CCDC172: variants seen among roughly 807,000 people sequenced by gnomAD.
CCDC172 encodes coiled-coil domain containing 172.
Under a neutral mutation model 38.0 loss-of-function variants are expected in CCDC172, and 30 were observed. That is an observed-to-expected ratio of 0.79 (90% confidence interval 0.59 to 1.07). The LOEUF is 1.07. Ranked by LOEUF, CCDC172 falls within the 50% of genes least tolerant of loss-of-function variation. The pLI, the probability that CCDC172 is intolerant of heterozygous loss-of-function variation, is 0.00. For missense variants in CCDC172, 297 were observed against 290.1 expected, an observed-to-expected ratio of 1.02 and a Z score of -0.17; for synonymous variants, 78 against 88.3, an observed-to-expected ratio of 0.88 and a Z score of 0.66.
At chr10:116,358,374 A>G (rs1353459524) in intron 7 of CCDC172, among the ~76,000 whole-genome samples, 2 of 152,076 alleles carry the variant, frequency 1.3e-5, no homozygotes, top group African/African-American at 4.8e-5. Flanking sequence ...TATTTTCTGT[A>G]TGGATTATTT....
intron 3 of CCDC172, among the ~76,000 whole-genome samples, chr10:116,332,760 G>A (rs1186989672): frequency 6.6e-6 from 1 of 151,458 alleles, no homozygotes; most frequent in African/African-American, 2.4e-5. Context: ...CTGGAACAAG[G>A]GTGAGCCTTC....
intron 5 of CCDC172, among the ~76,000 whole-genome samples, chr10:116,348,544 A>AT (rs1296988245): frequency 2.0e-5 from 3 of 152,144 alleles, no homozygotes; most frequent in East Asian, 1.9e-4. Context: ...TTGATTTATT[A>AT]TTTTTTAACC....
intron 5 of CCDC172, among the ~76,000 whole-genome samples, chr10:116,348,907 G>A (rs1844898448): frequency 6.6e-6 from 1 of 152,082 alleles, no homozygotes. Context: ...GCCAGTACTG[G>A]TCCGTGGCCT....
At chr10:116,375,962 ATG>A (rs1845239437) in intron 7 of CCDC172, among the ~76,000 whole-genome samples, 1 of 152,200 alleles carries the variant, frequency 6.6e-6, no homozygotes, top group Admixed American at 6.5e-5. Context: ...GGAAGACAGT[ATG>A]GCGATTCCTT....
At chr10:116,371,262 T>C (rs2134968237) in intron 7 of CCDC172, among the ~76,000 whole-genome samples, 1 of 151,974 alleles carries the variant, frequency 6.6e-6, no homozygotes, top group East Asian at 1.9e-4. Context: ...GGGATAAGTT[T>C]TAATATTTTA....
intron 7 of CCDC172, among the ~76,000 whole-genome samples, chr10:116,368,443 TA>T (rs569769896): frequency 6.9e-4 from 105 of 151,522 alleles, no homozygotes; most frequent in African/African-American, 2.1e-3. Flanking sequence ...ATTTCTCCTT[TA>T]AAAAAAAATT....
At chr10:116,374,490 GTA>G (rs60781436) in intron 7 of CCDC172, among the ~76,000 whole-genome samples, 7 of 150,072 alleles carry the variant, frequency 4.7e-5, no homozygotes, top group Non-Finnish European at 5.9e-5. Flanking sequence ...TTTATCATAG[GTA>G]TATATATATA....
chr10:116,370,368 G>A (rs753716412), intron 7 of CCDC172, among the ~76,000 whole-genome samples: 1 of 151,742 alleles, frequency 6.6e-6, no homozygotes, highest in Non-Finnish European at 1.5e-5. Flanking sequence ...GGGTATTCTT[G>A]TATATGCTGT....
chr10:116,358,008 G>A, intron 7 of CCDC172, 70 bp downstream of exon 7: 2 of 759,938 alleles, frequency 2.6e-6, no homozygotes, highest in Non-Finnish European at 2.2e-6. Flanking sequence ...TCAGTATAAA[G>A]CTAAGTGCAT....
chr10:116,359,446 C>T (rs1589956257), intron 7 of CCDC172, among the ~76,000 whole-genome samples: 1 of 152,172 alleles, frequency 6.6e-6, no homozygotes, highest in East Asian at 1.9e-4. Context: ...ATTTTTATAG[C>T]AGGATTTCTC....
chr10:116,325,373 CA>C lies in CCDC172; in HGVS notation c.152del (p.Lys51SerfsTer19). On this transcript the variant is annotated frameshift_variant, in exon 3 of 9. Coordinates refer to ENST00000333254, the MANE Select transcript of CCDC172 (RefSeq NM_198515.3). LOFTEE classifies it high-confidence loss of function. Reference protein sequence around the residue: ...ATEELNEEKIKLESKVQQFFE... With the variant: ...ATEELNEEKIXLESKVQQFFE... ...CGGAGGAGCTGAATGAAGAGAAAAT[CA>C]AGCTGGAATCTAAGGTATTGAAATG... The C allele has an allele frequency of 6.2e-7, 1 of 1,613,284 alleles. No individual in the cohort carries two copies. Among genetic ancestry groups the C allele is most frequent in the Non-Finnish European group, 8.5e-7 (1 of 1,179,468 alleles).
Position 116,340,734 on chromosome 10 carries a change from G to T in CCDC172, c.166G>T (p.Val56Phe). The T allele has an allele frequency of 1.3e-6, 2 of 1,500,180 alleles. No homozygotes were observed. The highest frequency in any genetic ancestry group is 1.8e-6 in the Non-Finnish European group (2 of 1,086,354). The allele number at this position is 1,500,180 out of a possible 1,614,324, so 92.9% of individuals were successfully genotyped here. A position where few individuals can be genotyped will look rare whatever the true frequency, so the allele number is the denominator to read the frequency against. ...TGATTTCTGTTTTTGTACTTTGAAG[G>T]TTCAACAGTTTTTTGAAAAATCCTT... Reference protein sequence around the residue: ...NEEKIKLESKVQQFFEKSFFL... With the variant: ...NEEKIKLESKFQQFFEKSFFL... Residue 56 changes from valine (V) to phenylalanine (F), a missense_variant and splice_region_variant, in exon 4 of 9, where the codon GTT becomes TTT. Val to Phe is a conservative substitution (Grantham distance 50). Coordinates refer to ENST00000333254, the MANE Select transcript of CCDC172 (RefSeq NM_198515.3).
intron 5 of CCDC172, among the ~76,000 whole-genome samples, chr10:116,342,693 G>T (rs1844810949): frequency 6.6e-6 from 1 of 152,158 alleles, no homozygotes; most frequent in African/African-American, 2.4e-5. Flanking sequence ...AATCCTTAAT[G>T]TTGGAGGTTG....
intron 7 of CCDC172, among the ~76,000 whole-genome samples, chr10:116,378,139 C>T (rs1227392708): frequency 1.3e-5 from 2 of 152,134 alleles, no homozygotes; most frequent in Non-Finnish European, 2.9e-5. Context: ...CGAGATCACA[C>T]CACTGTACTC....
intron 5 of CCDC172, 168 bp downstream of exon 5, chr10:116,342,369 T>C (rs1844806698): frequency 2.0e-6 from 1 of 496,114 alleles, no homozygotes; most frequent in Non-Finnish European, 3.5e-6. Flanking sequence ...GTGAGCAGTT[T>C]CAAATGATTT....
intron 3 of CCDC172, among the ~76,000 whole-genome samples, chr10:116,325,974 TAGGAGGAAAGCGTTCCAGACAGA>T (rs1844586654): frequency 6.6e-6 from 1 of 152,100 alleles, no homozygotes; most frequent in South Asian, 2.1e-4. Context: ...AAGGAAGTAG[TAGGAGGAAAGCGTTCCAGACAGA>T]AGGAGGAGGC....
chr10:116,325,272 G>T, intron 2 of CCDC172, 31 bp from the exon 3 acceptor site: 1 of 1,584,410 alleles, frequency 6.3e-7, no homozygotes, highest in Non-Finnish European at 8.6e-7. Flanking sequence ...TAGAAAGATT[G>T]ATGTGTTTAA....
At chr10:116,331,642 T>C (rs1844664686) in intron 3 of CCDC172, among the ~76,000 whole-genome samples, 1 of 152,178 alleles carries the variant, frequency 6.6e-6, no homozygotes, top group Non-Finnish European at 1.5e-5. Flanking sequence ...ATTCTACTTG[T>C]TTGATTTGAT....
At chr10:116,342,241 A>AG in intron 5 of CCDC172, 40 bp downstream of exon 5, 1 of 1,487,510 alleles carries the variant, frequency 6.7e-7, no homozygotes. Context: ...GCATTAATGA[A>AG]AATAACTTAT....
Sources: gnomAD v4.1 joint callset for allele counts (sites outside exome capture counted in the v4.1 genomes callset) on GRCh38, gnomAD v4.1.1 for gene constraint, MANE v1.5 for transcripts, NCBI Gene and HGNC (gene_info 2026-07-23, HGNC 2026-07-21) for gene names.